SPMIP7: variants seen among roughly 807,000 people sequenced by gnomAD.
SPMIP7 encodes the protein sperm microtubule inner protein 7, also known as protein SPMIP7.
the SPMIP7 span, chr7:50,140,057 CTTAA>C: frequency 1.0e-6 from 1 of 968,032 alleles, no homozygotes; most frequent in Middle Eastern, 2.9e-4. Flanking sequence ...AGGCTTTTGT[CTTAA>C]TTAGAGAAAT....
the SPMIP7 span, among the ~76,000 whole-genome samples, chr7:50,120,572 G>C: frequency 1.8e-4 from 27 of 152,108 alleles, no homozygotes; most frequent in African/African-American, 6.3e-4. Flanking sequence ...TTAAAAGGTA[G>C]CCAACACTGC....
At chr7:50,132,641 T>C in the SPMIP7 span, among the ~76,000 whole-genome samples, 1 of 152,148 alleles carries the variant, frequency 6.6e-6, no homozygotes, top group African/African-American at 2.4e-5. Flanking sequence ...TTACATACAA[T>C]ACTAGTCAGA....
At chr7:50,112,254 AAAG>A in the SPMIP7 span, among the ~76,000 whole-genome samples, 1 of 152,268 alleles carries the variant, frequency 6.6e-6, no homozygotes, top group Non-Finnish European at 1.5e-5. Flanking sequence ...GAAGATAAAC[AAAG>A]AAGAAACAAT....
the SPMIP7 span, among the ~76,000 whole-genome samples, chr7:50,154,609 C>G: frequency 2.2e-4 from 33 of 152,164 alleles, no homozygotes; most frequent in African/African-American, 8.0e-4. Flanking sequence ...TTTCTTTATC[C>G]ATTCATCTAT....
At chr7:50,126,640 G>A in the SPMIP7 span, among the ~76,000 whole-genome samples, 2 of 151,276 alleles carry the variant, frequency 1.3e-5, no homozygotes, top group Admixed American at 1.3e-4. Context: ...TCTTTACAAA[G>A]CAAATAAAAA....
chr7:50,121,868 G>A, the SPMIP7 span, among the ~76,000 whole-genome samples: 1 of 151,796 alleles, frequency 6.6e-6, no homozygotes, highest in Non-Finnish European at 1.5e-5. Flanking sequence ...TGTTGACCAG[G>A]CTGGCCTTGA....
At chr7:50,150,895 C>T in the SPMIP7 span, among the ~76,000 whole-genome samples, 11 of 152,146 alleles carry the variant, frequency 7.2e-5, no homozygotes, top group Admixed American at 1.3e-4. Context: ...TGTTTAAATT[C>T]AAATTCTAAA....
the SPMIP7 span, among the ~76,000 whole-genome samples, chr7:50,130,508 A>T: frequency 1.3e-5 from 2 of 152,162 alleles, no homozygotes; most frequent in South Asian, 2.1e-4. Flanking sequence ...GGTAAGGATT[A>T]TTACAATTCA....
At chr7:50,158,697 G>A in the SPMIP7 span, among the ~76,000 whole-genome samples, 3 of 151,816 alleles carry the variant, frequency 2.0e-5, no homozygotes, top group Admixed American at 6.6e-5. Context: ...TTATCTGTCC[G>A]CCCCTCACTC....
At chr7:50,100,519 T>C in the SPMIP7 span, among the ~76,000 whole-genome samples, 1 of 152,190 alleles carries the variant, frequency 6.6e-6, no homozygotes, top group African/African-American at 2.4e-5. Flanking sequence ...GTTGTTTAAA[T>C]TTTCATTTTT....
the SPMIP7 span, among the ~76,000 whole-genome samples, chr7:50,103,958 A>G: frequency 1.3e-5 from 2 of 152,198 alleles, no homozygotes; most frequent in African/African-American, 4.8e-5. Context: ...CTAGTTTTTT[A>G]GGACTTCTAA....
the SPMIP7 span, among the ~76,000 whole-genome samples, chr7:50,104,035 G>T: frequency 6.6e-6 from 1 of 152,092 alleles, no homozygotes; most frequent in African/African-American, 2.4e-5. Context: ...TCCCCAACAT[G>T]TCTGTGTGCA....
chr7:50,147,986 G>A, the SPMIP7 span, among the ~76,000 whole-genome samples: 4 of 152,162 alleles, frequency 2.6e-5, no homozygotes, highest in Admixed American at 6.5e-5. Flanking sequence ...TCCATTTCCC[G>A]GCTTGTATGT....
At chr7:50,101,939 T>G in the SPMIP7 span, among the ~76,000 whole-genome samples, 102 of 152,326 alleles carry the variant, frequency 6.7e-4, no homozygotes, top group African/African-American at 2.3e-3. Context: ...CTTTCCAGCT[T>G]AAAGTGAAAC....
At chr7:50,143,200 T>C in the SPMIP7 span, among the ~76,000 whole-genome samples, 1 of 145,150 alleles carries the variant, frequency 6.9e-6, no homozygotes, top group South Asian at 2.2e-4. Context: ...AGTCTCACTC[T>C]GTCACCCAGG....
chr7:50,112,775 A>G, the SPMIP7 span, among the ~76,000 whole-genome samples: 1 of 152,088 alleles, frequency 6.6e-6, no homozygotes, highest in South Asian at 2.1e-4. Flanking sequence ...AAACCCAAAC[A>G]TAGCTTTACA....
At chr7:50,151,518 T>C in the SPMIP7 span, 1 of 1,551,618 alleles carries the variant, frequency 6.4e-7, no homozygotes, top group East Asian at 2.4e-5. Context: ...AATTCTAATA[T>C]TCCATCAACA....
chr7:50,110,588 T>C, the SPMIP7 span, among the ~76,000 whole-genome samples: 1 of 141,892 alleles, frequency 7.0e-6, no homozygotes, highest in Non-Finnish European at 1.5e-5. Flanking sequence ...TACATTTACA[T>C]TTGACATAGT....
the SPMIP7 span, among the ~76,000 whole-genome samples, chr7:50,139,716 G>A: frequency 3.8e-4 from 58 of 152,238 alleles, no homozygotes; most frequent in South Asian, 0.012. Context: ...CCTTCCAAGA[G>A]CTCACACAAA....
Sources: gnomAD v4.1 joint callset for allele counts (sites outside exome capture counted in the v4.1 genomes callset) on GRCh38, gnomAD v4.1.1 for gene constraint, MANE v1.5 for transcripts, NCBI Gene and HGNC (gene_info 2026-07-23, HGNC 2026-07-21) for gene names.